The following AUTS2 variants were observed in gnomAD, a reference collection of about 807,000 sequenced individuals.
AUTS2 encodes autism susceptibility gene 2 protein.
A neutral mutation model predicts 112.4 loss-of-function variants in AUTS2; 17 were observed. The ratio of observed to expected loss-of-function variants is 0.15; its 90% confidence interval spans 0.10 to 0.23. The LOEUF is 0.23. Ranked by LOEUF, AUTS2 falls within the 10% of genes least tolerant of loss-of-function variation. AUTS2 has a pLI of 1.00. For missense variants in AUTS2, 1,510 were observed against 1,701.6 expected (o/e 0.89, Z 1.98); for synonymous variants, 751 against 702.7 (o/e 1.07, Z -1.09).
intron 1 of AUTS2, among the ~76,000 whole-genome samples, chr7:69,672,286 C>T (rs568753500): frequency 2.6e-5 from 4 of 152,016 alleles, no homozygotes; most frequent in East Asian, 3.9e-4. Flanking sequence ...CTCGAACTCC[C>T]GACCTCAGGT....
intron 5 of AUTS2, among the ~76,000 whole-genome samples, chr7:70,627,633 G>C (rs1422923546): frequency 6.6e-6 from 1 of 152,362 alleles, no homozygotes; most frequent in East Asian, 1.9e-4. Context: ...ATGGAGCAGA[G>C]TTGGAATTTT....
chr7:70,666,663 T>A (rs964656547), intron 5 of AUTS2, among the ~76,000 whole-genome samples: 25 of 151,968 alleles, frequency 1.6e-4, no homozygotes, highest in Admixed American at 1.4e-3. Context: ...TTTTTTTTTA[T>A]ATATGTCTGG....
At chr7:70,045,090 ACAGTT>A (rs1401487089) in intron 2 of AUTS2, among the ~76,000 whole-genome samples, 2 of 152,256 alleles carry the variant, frequency 1.3e-5, no homozygotes, top group African/African-American at 4.8e-5. Flanking sequence ...TTCAGTTAGT[ACAGTT>A]AATGTTTTAT....
chr7:70,331,496 A>AG (rs1790743859), intron 4 of AUTS2, among the ~76,000 whole-genome samples: 2 of 149,526 alleles, frequency 1.3e-5, no homozygotes, highest in South Asian at 2.1e-4. Flanking sequence ...TTTCAAAAAA[A>AG]CTAGCTCCTG....
At chr7:69,638,952 C>T (rs1794677887) in intron 1 of AUTS2, among the ~76,000 whole-genome samples, 1 of 152,176 alleles carries the variant, frequency 6.6e-6, no homozygotes, top group Admixed American at 6.5e-5. Context: ...TGGAACTTTT[C>T]AATTTGCTAG....
chr7:69,835,105 C>G (rs1397824253), intron 1 of AUTS2, among the ~76,000 whole-genome samples: 1 of 151,728 alleles, frequency 6.6e-6, no homozygotes, highest in Non-Finnish European at 1.5e-5. Flanking sequence ...CAAAGTGGAC[C>G]TTGTACAGTC....
At chr7:69,847,560 C>T (rs1490433628) in intron 1 of AUTS2, among the ~76,000 whole-genome samples, 1 of 152,238 alleles carries the variant, frequency 6.6e-6, no homozygotes, top group African/African-American at 2.4e-5. Context: ...TTATGTCCTG[C>T]TTCCCTGACC....
At chr7:70,492,654 G>C (rs1447329992) in intron 5 of AUTS2, among the ~76,000 whole-genome samples, 1 of 152,142 alleles carries the variant, frequency 6.6e-6, no homozygotes, top group East Asian at 1.9e-4. Context: ...GAGACCATAA[G>C]CCCAGAAGTG....
At chr7:70,055,710 A>G (rs1801961491) in intron 2 of AUTS2, among the ~76,000 whole-genome samples, 1 of 152,244 alleles carries the variant, frequency 6.6e-6, no homozygotes, top group Middle Eastern at 3.4e-3. Flanking sequence ...TAAGGTGGGT[A>G]TGGGTATTAA....
At chr7:69,894,252 G>GTTTTTTTTTTTTTTT (rs370966756) in intron 1 of AUTS2, among the ~76,000 whole-genome samples, 2 of 36,744 alleles carry the variant, frequency 5.4e-5, no homozygotes, top group African/African-American at 2.6e-4. Context: ...GCCTTAAAGC[G>GTTTTTTTTTTTTTTT]TTTTTTTTTT....
In AUTS2 at chr7:69,899,332, C is replaced by T. The variant is rs772352925; in HGVS notation, c.356C>T (p.Thr119Met). ...KPQERVEKRQ[T>M]PLTKKKREAL... ...CAGGAACGTGTGGAGAAACGCCAGA[C>T]GCCCCTGACCAAGAAGAAACGAGAA... is the stretch of plus-strand genomic sequence containing the variant. The change falls in exon 2 of 19, where the codon ACG becomes ATG. Residue 119 changes from threonine to methionine, a missense_variant. Thr to Met is a moderately conservative substitution (Grantham distance 81). Transcript: ENST00000342771. 48 of 1,613,888 alleles carry T rather than the reference C, an allele frequency of 3.0e-5. No homozygotes were observed. The highest frequency in any genetic ancestry group is 3.6e-5 in the Non-Finnish European group (43 of 1,179,924).
At chr7:70,202,910 G>A (rs1810361747) in intron 4 of AUTS2, among the ~76,000 whole-genome samples, 1 of 30,584 alleles carries the variant, frequency 3.3e-5, no homozygotes, top group Non-Finnish European at 5.2e-5. Flanking sequence ...TGTTTATTGC[G>A]GCACTATTCA....
chr7:70,781,932 C>T (rs1307962274), intron 15 of AUTS2, 176 bp downstream of exon 15: 2 of 696,646 alleles, frequency 2.9e-6, no homozygotes, highest in Non-Finnish European at 4.6e-6. Flanking sequence ...TTCATTGATA[C>T]ACTCTCTTTC....
At chr7:70,208,889 G>T (rs1385469486) in intron 4 of AUTS2, among the ~76,000 whole-genome samples, 2 of 152,092 alleles carry the variant, frequency 1.3e-5, no homozygotes, top group Non-Finnish European at 2.9e-5. Context: ...TTCAAAGCAA[G>T]AGAGGAGAGA....
At chr7:69,738,130 A>G (rs1315450005) in intron 1 of AUTS2, among the ~76,000 whole-genome samples, 1 of 152,084 alleles carries the variant, frequency 6.6e-6, no homozygotes, top group East Asian at 1.9e-4. Context: ...GGAGAGAACT[A>G]CAGATTTGGG....
intron 5 of AUTS2, among the ~76,000 whole-genome samples, chr7:70,635,361 A>G (rs7809475): frequency 0.83 from 126,214 of 152,188 alleles, 52,718 homozygotes; most frequent in African/African-American, 0.92. Context: ...AGGGCTTTAT[A>G]GCAATCAGGC....
intron 5 of AUTS2, among the ~76,000 whole-genome samples, chr7:70,610,062 G>A (rs1252037428): frequency 1.3e-5 from 2 of 151,914 alleles, no homozygotes; most frequent in African/African-American, 4.8e-5. Context: ...TGCGATCTTG[G>A]CATCTTGGCT....
chr7:69,716,260 G>A (rs992037162), intron 1 of AUTS2, among the ~76,000 whole-genome samples: 3 of 151,772 alleles, frequency 2.0e-5, no homozygotes, highest in East Asian at 1.9e-4. Context: ...GTGTGTGTGT[G>A]TATAAGTTCA....
chr7:69,742,111 CTTT>C (rs752148406), intron 1 of AUTS2, among the ~76,000 whole-genome samples: 19 of 125,658 alleles, frequency 1.5e-4, no homozygotes, highest in Non-Finnish European at 2.2e-4. Flanking sequence ...CCTATTTTAC[CTTT>C]TTTTTTTTTT....
Sources: allele counts gnomAD v4.1 joint callset (sites outside exome capture counted in the v4.1 genomes callset), GRCh38; gene constraint gnomAD v4.1.1; transcripts MANE v1.5; gene names NCBI Gene and HGNC (gene_info 2026-07-23, HGNC 2026-07-21).